RALYL: variants seen among roughly 807,000 people sequenced by gnomAD.
RALYL encodes the protein RNA-binding Raly-like protein.
Under a neutral mutation model 35.1 loss-of-function variants are expected in RALYL, and 29 were observed. That is an observed-to-expected ratio of 0.83 (90% CI 0.61 to 1.13). The LOEUF is 1.13. Ranked by LOEUF, RALYL falls within the 50% of genes most tolerant of loss-of-function variation. The pLI, the probability that RALYL is intolerant of heterozygous loss-of-function variation, is 0.00. For synonymous variants in RALYL, 120 were observed against 127.6 expected, an observed-to-expected ratio of 0.94 and a Z score of 0.40; for missense variants, 359 against 360.4, an observed-to-expected ratio of 1.00 and a Z score of 0.03.
At chr8:84,771,585 A>G (rs1057381614) in intron 2 of RALYL, among the ~76,000 whole-genome samples, 8 of 152,094 alleles carry the variant, frequency 5.3e-5, no homozygotes, top group Admixed American at 4.6e-4. Flanking sequence ...TGTAAATTCA[A>G]TGGGTTTTAT....
chr8:84,435,868 T>C (rs2047656779), intron 1 of RALYL, among the ~76,000 whole-genome samples: 1 of 152,128 alleles, frequency 6.6e-6, no homozygotes. Context: ...CTAGATTTAC[T>C]CAGAGCTGTC....
intron 6 of RALYL, chr8:84,864,807 T>C: frequency 1.6e-6 from 1 of 616,868 alleles, no homozygotes; most frequent in Non-Finnish European, 3.1e-6. Context: ...CAGCAGAGCT[T>C]CTGTGTAGTA....
chr8:84,622,977 G>C (rs938971353), intron 2 of RALYL, among the ~76,000 whole-genome samples: 17 of 152,160 alleles, frequency 1.1e-4, no homozygotes, highest in African/African-American at 4.1e-4. Flanking sequence ...CATTTTCAGT[G>C]ACTATCTCTT....
At chr8:84,707,455 T>A (rs1032548539) in intron 2 of RALYL, among the ~76,000 whole-genome samples, 1 of 152,110 alleles carries the variant, frequency 6.6e-6, no homozygotes, top group African/African-American at 2.4e-5. Context: ...ATCAATGCCT[T>A]AATGCACATG....
At chr8:84,685,576 C>T (rs998352450) in intron 2 of RALYL, among the ~76,000 whole-genome samples, 3 of 152,148 alleles carry the variant, frequency 2.0e-5, no homozygotes, top group Admixed American at 1.3e-4. Flanking sequence ...TACTGAATCA[C>T]AGAAGTTACT....
chr8:84,503,160 T>G (rs574705444), intron 1 of RALYL, among the ~76,000 whole-genome samples: 24 of 152,142 alleles, frequency 1.6e-4, no homozygotes, highest in African/African-American at 5.3e-4. Flanking sequence ...TCTTTCTCTT[T>G]TTTTAGAGAC....
At chr8:84,881,449 T>G (rs1842160299) in intron 7 of RALYL, among the ~76,000 whole-genome samples, 1 of 152,032 alleles carries the variant, frequency 6.6e-6, no homozygotes, top group African/African-American at 2.4e-5. Flanking sequence ...TATCTAGCAA[T>G]TAAGCCAGCA....
intron 1 of RALYL, among the ~76,000 whole-genome samples, chr8:84,521,660 T>A (rs1385182146): frequency 1.3e-5 from 2 of 152,232 alleles, no homozygotes; most frequent in Admixed American, 1.3e-4. Flanking sequence ...AGTCATTTAA[T>A]TTATATTTAA....
At position 84,697,027 on chromosome 8, in the gene RALYL, A is replaced by G. The variant is rs151295559; in HGVS notation, c.257-77552A>G. On this transcript the variant is annotated intron_variant, in intron 2 of 8. Coordinates refer to ENST00000521268, the MANE Select transcript of RALYL (RefSeq NM_173848.7). The stretch of plus-strand genomic sequence containing the variant: ...GCAGGCTGAAGTAGCTCATCAATGT[A>G]GTGTAATTATAACTAAATAGGAACA... Among the ~76,000 whole-genome samples the G allele has an allele frequency of 6.6e-5, 10 of 152,156 alleles. 2 individuals are homozygous for G. Among genetic ancestry groups the G allele is most frequent in the African/African-American group, 2.4e-4 (10 of 41,548 alleles).
intron 8 of RALYL, chr8:84,906,970 G>A (rs1338105227): frequency 1.0e-6 from 1 of 985,140 alleles, no homozygotes; most frequent in African/African-American, 1.7e-5. Context: ...GGGGTTGCCT[G>A]CTCCAGGATA....
At chr8:84,192,448 G>C (rs1452030708) in intron 1 of RALYL, among the ~76,000 whole-genome samples, 1 of 152,136 alleles carries the variant, frequency 6.6e-6, no homozygotes, top group East Asian at 1.9e-4. Context: ...GTCAAATTTT[G>C]GTAGAATTGG....
rs911418291 is a variant in RALYL at position 84,367,935 on chromosome 8, T to TA, written c.-23-161357dup. On this transcript the variant is annotated intron_variant, in intron 1 of 8. Transcript: ENST00000521268. ...TATGCTGTCACTTATTCTCTGAGCT[T>TA]AAAAAAAGTCACCTTTTCCTTCCTT... 3.3e-5 allele frequency among the ~76,000 whole-genome samples: 5 copies of TA among 152,280 alleles called. No homozygotes were observed. In the East Asian group the frequency reaches 9.6e-4, roughly 29 times the overall value.
chr8:84,650,370 T>C (rs1828484135), intron 2 of RALYL, among the ~76,000 whole-genome samples: 2 of 151,996 alleles, frequency 1.3e-5, no homozygotes, highest in South Asian at 4.2e-4. Context: ...CAAACAAATT[T>C]ACAAGAAAAA....
rs544067079 is a variant in RALYL at position 84,784,001 on chromosome 8, T to G, written c.332+9347T>G. Among the ~76,000 whole-genome samples the G allele has an allele frequency of 2.6e-5, 4 of 152,292 alleles. No homozygotes were observed. The South Asian group carries it at 8.3e-4, about 32-fold the overall frequency. On this transcript the variant is annotated intron_variant, in intron 3 of 8. Coordinates refer to ENST00000521268, the MANE Select transcript of RALYL (RefSeq NM_173848.7). ...CTGTGTTTTTCTTCTAATTTTAGGT[T>G]TTTAGGGTTTTGTCTCATTTCTTTT...
At position 84,288,257 on chromosome 8, in the gene RALYL, G is replaced by T. The variant is rs187414438; in HGVS notation, c.-24+103833G>T. ...AAATCCCGACACCCAGGCCACATCC[G>T]CAGGAATCAGCATTTTAAAAAATTC... On this transcript the variant is annotated intron_variant, in intron 1 of 8. Transcript: ENST00000521268. Among the ~76,000 whole-genome samples the T allele has an allele frequency of 2.0e-5, 3 of 152,064 alleles. No individual in the cohort carries two copies. The East Asian group carries it at 5.8e-4, about 29-fold the overall frequency.
intron 1 of RALYL, among the ~76,000 whole-genome samples, chr8:84,267,193 T>A (rs1833498049): frequency 6.6e-6 from 1 of 152,180 alleles, no homozygotes; most frequent in Non-Finnish European, 1.5e-5. Flanking sequence ...CTTTTCCTCT[T>A]TCAAATAAGA....
At chr8:84,305,382 TA>T (rs1841580362) in intron 1 of RALYL, among the ~76,000 whole-genome samples, 1 of 152,146 alleles carries the variant, frequency 6.6e-6, no homozygotes, top group Non-Finnish European at 1.5e-5. Flanking sequence ...TTACATAAAA[TA>T]AGAAACAATA....
At chr8:84,387,803 CTT>C (rs112006834) in intron 1 of RALYL, among the ~76,000 whole-genome samples, 90 of 135,428 alleles carry the variant, frequency 6.6e-4, no homozygotes, top group African/African-American at 7.2e-4. Context: ...TTCTTTCTTT[CTT>C]TTTTTTTTTT....
chr8:84,833,315 A>G (rs981503667), intron 4 of RALYL, among the ~76,000 whole-genome samples: 5 of 152,024 alleles, frequency 3.3e-5, no homozygotes, highest in African/African-American at 1.2e-4. Flanking sequence ...TTTTTTATAG[A>G]CACTAAAAAT....
Sources: gnomAD v4.1 joint callset for allele counts (sites outside exome capture counted in the v4.1 genomes callset) on GRCh38, gnomAD v4.1.1 for gene constraint, MANE v1.5 for transcripts, NCBI Gene and HGNC (gene_info 2026-07-23, HGNC 2026-07-21) for gene names.